Variants in FOXN3 observed in about 807,000 individuals in gnomAD.
The protein encoded by FOXN3 is forkhead box N3, also known as forkhead box protein N3.
Under a neutral mutation model 38.4 loss-of-function variants are expected in FOXN3, and 7 were observed. The ratio of observed to expected loss-of-function variants is 0.18; its 90% confidence interval spans 0.10 to 0.34. The LOEUF is 0.34. FOXN3 is among the 10% of genes least tolerant of loss of function. The pLI is 1.00. For missense variants in FOXN3, 456 were observed against 613.4 expected (o/e 0.74, Z 2.71); for synonymous variants, 230 against 242.2 (o/e 0.95, Z 0.47).
intron 4 of FOXN3, among the ~76,000 whole-genome samples, chr14:89,220,479 G>A (rs966166158): frequency 2.6e-5 from 4 of 152,122 alleles, no homozygotes; most frequent in African/African-American, 2.4e-5. Flanking sequence ...TTCAGGACCC[G>A]CAATGCAAGC....
At position 89,163,317 on chromosome 14, in the gene FOXN3, CCA is replaced by C. The variant is rs1256272176; in HGVS notation, c.852-350_852-349del. ...TGCTTGGTTCGTGTCCCCGCCAACA[CCA>C]CAGAGTCAGACACCGCCAGACGATG... On this transcript the variant is annotated intron_variant, in intron 5 of 5. Coordinates refer to ENST00000557258, the MANE Select transcript of FOXN3 (RefSeq NM_005197.4). The surrounding 1 kb of genome is among the most constrained non-coding windows in gnomAD (Gnocchi z 4.3). Among the ~76,000 whole-genome samples the C allele has an allele frequency of 1.3e-5, 2 of 152,192 alleles. No homozygotes were observed. Among genetic ancestry groups the C allele is most frequent in the Non-Finnish European group, 2.9e-5 (2 of 68,026 alleles).
intron 3 of FOXN3, chr14:89,291,303 C>A: frequency 2.0e-6 from 1 of 488,224 alleles, no homozygotes; most frequent in Non-Finnish European, 4.0e-6. Context: ...AGAAATGCAG[C>A]CACGCATTCT....
At chr14:89,606,893 C>T (rs1896287553) in intron 1 of FOXN3, among the ~76,000 whole-genome samples, 1 of 152,070 alleles carries the variant, frequency 6.6e-6, no homozygotes, top group Admixed American at 6.6e-5. Context: ...ACCTGCCTCA[C>T]ACACTATACA....
intron 1 of FOXN3, among the ~76,000 whole-genome samples, chr14:89,542,159 T>C (rs187313512): frequency 5.3e-5 from 8 of 152,318 alleles, no homozygotes; most frequent in Admixed American, 1.3e-4. Flanking sequence ...TACTTGTATA[T>C]ATGGGGAGAT....
chr14:89,247,794 T>A (rs114926777), intron 4 of FOXN3, among the ~76,000 whole-genome samples: 1,787 of 152,294 alleles, frequency 0.012, 34 homozygotes, highest in African/African-American at 0.041. Context: ...TGGCTTCCCA[T>A]CACAATTAGA....
At chr14:89,444,771 G>T (rs557412048) in intron 1 of FOXN3, among the ~76,000 whole-genome samples, 1 of 152,236 alleles carries the variant, frequency 6.6e-6, no homozygotes, top group South Asian at 2.1e-4. Context: ...CTGTTTTTAT[G>T]GCTGCAGTGG....
At chr14:89,398,938 C>A (rs1891172490) in intron 2 of FOXN3, among the ~76,000 whole-genome samples, 1 of 152,198 alleles carries the variant, frequency 6.6e-6, no homozygotes. Context: ...GAGCCAAGAT[C>A]GTGCCATTGC....
chr14:89,213,466 T>C (rs1007272007), intron 4 of FOXN3, among the ~76,000 whole-genome samples: 10 of 152,318 alleles, frequency 6.6e-5, no homozygotes, highest in South Asian at 4.1e-4. Context: ...TCGGTCACTC[T>C]AGTTTCCTTA....
chr14:89,306,445 G>C (rs1887379130), intron 3 of FOXN3, among the ~76,000 whole-genome samples: 1 of 151,842 alleles, frequency 6.6e-6, no homozygotes, highest in Admixed American at 6.6e-5. Flanking sequence ...TCGGTTCACT[G>C]CAAGCTCCGC....
At chr14:89,379,829 T>A (rs1052993623) in intron 2 of FOXN3, among the ~76,000 whole-genome samples, 4 of 152,038 alleles carry the variant, frequency 2.6e-5, no homozygotes, top group African/African-American at 9.6e-5. Context: ...TCTAGCTAAT[T>A]TTTTTATTTT....
At chr14:89,439,086 C>T (rs770981868) in intron 1 of FOXN3, among the ~76,000 whole-genome samples, 1 of 152,078 alleles carries the variant, frequency 6.6e-6, no homozygotes, top group Non-Finnish European at 1.5e-5. Context: ...GAGGTACCCA[C>T]CCCTGCCAAA....
chr14:89,404,470 A>C (rs1209704743), intron 2 of FOXN3, among the ~76,000 whole-genome samples: 1 of 126,660 alleles, frequency 7.9e-6, no homozygotes, highest in Non-Finnish European at 1.6e-5. Flanking sequence ...GCACCACTGC[A>C]CTCCAGCCTG....
chr14:89,386,679 A>C (rs931903279), intron 2 of FOXN3, among the ~76,000 whole-genome samples: 2 of 152,166 alleles, frequency 1.3e-5, no homozygotes, highest in East Asian at 1.9e-4. Context: ...AAAATACCAC[A>C]GACTGCGTGG....
At chr14:89,263,461 A>G (rs1596140010) in intron 4 of FOXN3, 1 of 152,322 alleles carries the variant, frequency 6.6e-6, no homozygotes, top group Middle Eastern at 3.4e-3. Context: ...AACAACATCA[A>G]TAACAAGCAG....
At chr14:89,473,542 A>G (rs1893151840) in intron 1 of FOXN3, among the ~76,000 whole-genome samples, 1 of 151,928 alleles carries the variant, frequency 6.6e-6, no homozygotes, top group Non-Finnish European at 1.5e-5. Flanking sequence ...TACCTGGTTA[A>G]TTTTTTTGTA....
chr14:89,205,498 T>C (rs1330880032), intron 4 of FOXN3, among the ~76,000 whole-genome samples: 1 of 152,170 alleles, frequency 6.6e-6, no homozygotes, highest in African/African-American at 2.4e-5. Context: ...AAGACCCTAG[T>C]AGGCACTGAC....
chr14:89,428,309 C>G (rs1001392575), intron 1 of FOXN3, among the ~76,000 whole-genome samples: 1 of 152,180 alleles, frequency 6.6e-6, no homozygotes, highest in Admixed American at 6.5e-5. Flanking sequence ...GTTCACCAAC[C>G]CTTTCTGTTT....
chr14:89,478,793 G>A (rs1018810636), intron 1 of FOXN3, among the ~76,000 whole-genome samples: 1 of 151,806 alleles, frequency 6.6e-6, no homozygotes, highest in African/African-American at 2.4e-5. Context: ...TTAGCTAGGC[G>A]TGGTGGTGCA....
chr14:89,187,311 G>T (rs948785905), intron 4 of FOXN3, among the ~76,000 whole-genome samples: 1 of 152,212 alleles, frequency 6.6e-6, no homozygotes, highest in Admixed American at 6.5e-5. Context: ...GCCCACGGGG[G>T]AATACAGGCA....
Sources: gnomAD v4.1 joint callset for allele counts (sites outside exome capture counted in the v4.1 genomes callset) on GRCh38, gnomAD v4.1.1 for gene constraint, Gnocchi (gnomAD v3.1) non-coding constraint, MANE v1.5 for transcripts, NCBI Gene and HGNC (gene_info 2026-07-23, HGNC 2026-07-21) for gene names.